REXO4: variants seen among roughly 807,000 people sequenced by gnomAD.
REXO4 encodes REX4 homolog, 3'-5' exonuclease.
REXO4 carries 29 observed loss-of-function variants against 39.9 expected under a neutral mutation model. The ratio of observed to expected loss-of-function variants is 0.73; its 90% CI spans 0.54 to 0.99. REXO4 has a LOEUF of 0.99. REXO4 is among the 50% of genes least tolerant of loss of function. The probability of loss-of-function intolerance (pLI) is 0.00; values close to 1 mark genes in which losing one functional copy is unlikely to be tolerated. For synonymous variants in REXO4, 184 were observed against 206.2 expected, an observed-to-expected ratio of 0.89 and a Z score of 0.92; for missense variants, 524 against 546.5, an observed-to-expected ratio of 0.96 and a Z score of 0.41.
At position 133,417,692 on chromosome 9, in the gene REXO4, G is replaced by T; in HGVS notation, c.153C>A (p.Ser51Arg). 2 of 1,614,118 alleles carry T rather than the reference G, an allele frequency of 1.2e-6. No homozygotes were observed. Among genetic ancestry groups the T allele is most frequent in the Non-Finnish European group, 1.7e-6 (2 of 1,179,992 alleles). The part of the protein sequence containing the change: ...KAREVSKKPA[S>R]GPGAVVRPPK... ...GAGGTCGCACCACAGCACCGGGGCC[G>T]CTTGCTGGCTTCTTGCTTACTTCCC... The change falls in exon 1 of 8, where the codon AGC becomes AGA. Residue 51 changes from serine to arginine, a missense_variant. Coordinates refer to ENST00000371942, the MANE Select transcript of REXO4 (RefSeq NM_020385.4).
chr9:133,417,754 T>G lies in REXO4; in HGVS notation c.91A>C (p.Asn31His). The G allele has an allele frequency of 6.2e-7, 1 of 1,613,424 alleles. No individual in the cohort carries two copies. The highest frequency in any genetic ancestry group is 8.5e-7 in the Non-Finnish European group (1 of 1,179,946). ...TTCCAAAACCTTTTTTTCTTCTTGT[T>G]TTTCTTCCGAGTGAGCGTCTTGACA... Reference protein sequence around the residue: ...GPVKTLTRKKNKKKKRFWKSK... With the variant: ...GPVKTLTRKKHKKKKRFWKSK... The change falls in exon 1 of 8, where the codon AAC (asparagine) becomes CAC (histidine). Residue 31 changes from asparagine to histidine, a missense_variant. Transcript: ENST00000371942.
At position 133,406,768 on chromosome 9, in the gene REXO4, A is replaced by T. The variant is rs1838897984; in HGVS notation, c.*185T>A. ...CGGGCCCAAACACACATGGACAGTA[A>T]GACCAGGTTTCAGACCACAAAGTCA... On this transcript the variant is annotated 3_prime_UTR_variant, in exon 8 of 8. Coordinates refer to ENST00000371942, the MANE Select transcript of REXO4 (RefSeq NM_020385.4). The T allele has an allele frequency of 4.6e-6, 4 of 860,500 alleles. No individual in the cohort carries two copies. Among genetic ancestry groups the T allele is most frequent in the Non-Finnish European group, 3.5e-6 (2 of 566,380 alleles). The allele number at this position is 860,500 out of a possible 1,614,324, so 53.3% of individuals were successfully genotyped here.
At chr9:133,415,051 G>C (rs1554781273) in intron 1 of REXO4, 40 bp from the exon 2 acceptor site, 1 of 1,526,658 alleles carries the variant, frequency 6.6e-7, no homozygotes, top group Non-Finnish European at 8.8e-7. Flanking sequence ...TTTGAATTTG[G>C]AAATTACACA....
intron 4 of REXO4, among the ~76,000 whole-genome samples, chr9:133,411,790 G>A (rs1839225870): frequency 1.3e-5 from 2 of 151,942 alleles, no homozygotes; most frequent in Non-Finnish European, 2.9e-5. Context: ...GTCGGGTGTG[G>A]TGGCATATGC....
rs1554781244 is a variant in REXO4 at position 133,414,940 on chromosome 9, C to T, written c.297G>A (p.Lys99=). 6.2e-7 allele frequency: 1 copy of T among 1,613,454 alleles called. No homozygotes were observed. The highest frequency in any genetic ancestry group is 1.3e-5 in the African/African-American group (1 of 74,772). ...TTTTGTTTTGCTGGATAATTTTGGG[C>T]TTCTTTTTGGAACCCATCTGAGAGA... is the stretch of plus-strand genomic sequence containing the variant. The part of the protein sequence containing the change: ...LVISQMGSKK[K]PKIIQQNKKE... Residue 99 remains lysine (K), a synonymous_variant, in exon 2 of 8, where the codon AAG becomes AAA. Transcript: ENST00000371942.
In REXO4 at chr9:133,407,082, A is replaced by G. The variant is rs1838921524; in HGVS notation, c.1150-10T>C. 1.2e-6 allele frequency: 2 copies of G among 1,612,440 alleles called. No individual in the cohort carries two copies. Among genetic ancestry groups the G allele is most frequent in the Admixed American group, 1.7e-5 (1 of 60,026 alleles). On this transcript the variant is annotated splice_polypyrimidine_tract_variant and intron_variant, in intron 7 of 7. Coordinates refer to ENST00000371942, the MANE Select transcript of REXO4 (RefSeq NM_020385.4). ...CCTGGGCATCCTGAATCTAGACGAC[A>G]TGAAACATCCCAGCAGGTGACGAGG...
intron 1 of REXO4, among the ~76,000 whole-genome samples, chr9:133,416,059 A>G (rs1554781502): frequency 6.6e-6 from 1 of 152,160 alleles, no homozygotes; most frequent in Admixed American, 6.5e-5. Flanking sequence ...ATAAAGAAAA[A>G]ACGTTTATGT....
upstream of REXO4, chr9:133,418,019 A>C (rs1839785392): frequency 1.6e-6 from 1 of 620,058 alleles, no homozygotes; most frequent in Non-Finnish European, 2.8e-6. Context: ...ATACCTCAGC[A>C]CGCACGCTCC....
rs782589633 is a variant in REXO4, at chr9:133,412,354, G to A, written c.855C>T (p.Pro285=). Residue 285 remains proline, a synonymous_variant, in exon 4 of 8, where the codon CCC becomes CCT. Coordinates refer to ENST00000371942, the MANE Select transcript of REXO4 (RefSeq NM_020385.4). ...VYDKYVKPTE[P]VTDYRTAVSG... ...TGACCGCTGTCCTATAGTCCGTCAC[G>A]GGCTCGGTTGGTTTGACGTACTTGT... 9.9e-6 allele frequency: 16 copies of A among 1,613,944 alleles called. No individual in the cohort carries two copies. Among genetic ancestry groups the A allele is most frequent in the East Asian group, 2.2e-5 (1 of 44,882 alleles).
chr9:133,406,642 G>A lies in REXO4; in HGVS notation c.*311C>T. Reference sequence around the variant, plus strand: ...GGCAGTGACAGCACCGTATGGACTGGCGGCCCACAGGCCCCAACCTCACCT... The same window carrying A: ...GGCAGTGACAGCACCGTATGGACTGACGGCCCACAGGCCCCAACCTCACCT... On this transcript the variant is annotated 3_prime_UTR_variant, in exon 8 of 8. Transcript: ENST00000371942. 2.5e-6 allele frequency: 1 copy of A among 403,820 alleles called. No homozygotes were observed. Among genetic ancestry groups the A allele is most frequent in the Non-Finnish European group, 4.7e-6 (1 of 213,828 alleles). 25.0% of individuals were successfully genotyped at this position (403,820 alleles called of 1,614,324 possible).
In REXO4 at chr9:133,412,561, G is replaced by A. The variant is rs919725805; in HGVS notation, c.717-69C>T. ...CACAGGGCTCCAGGTCAGAGCCCCA[G>A]GGATCCATGGACTAAGTGTCAGCAG... On this transcript the variant is annotated intron_variant, in intron 3 of 7. Transcript: ENST00000371942. 1.1e-5 allele frequency: 17 copies of A among 1,537,446 alleles called. No individual in the cohort carries two copies. The East Asian group carries it at 2.3e-4, about 20-fold the overall frequency.
intron 7 of REXO4, 41 bp downstream of exon 7, chr9:133,407,765 AC>A (rs1838985994): frequency 1.3e-6 from 2 of 1,564,188 alleles, no homozygotes; most frequent in Non-Finnish European, 1.8e-6. Context: ...CAGGTGGGAA[AC>A]CGCCCCAAAC....
chr9:133,415,022 A>C lies in REXO4; in HGVS notation c.226-11T>G. On this transcript the variant is annotated splice_polypyrimidine_tract_variant and intron_variant, in intron 1 of 7. Coordinates refer to ENST00000371942, the MANE Select transcript of REXO4 (RefSeq NM_020385.4). ...TTGTTTCAGCAGCCACTGGGACCCA[A>C]AATAAAATACATGCTGCATTTGAAT... is the stretch of plus-strand genomic sequence containing the variant. The C allele has an allele frequency of 1.9e-6, 3 of 1,570,656 alleles. No individual in the cohort carries two copies. The highest frequency in any genetic ancestry group is 2.6e-6 in the Non-Finnish European group (3 of 1,165,606).
In REXO4 at chr9:133,417,485, T is replaced by C. The variant is rs2130750697; in HGVS notation, c.225+135A>G. The C allele has an allele frequency of 7.8e-6, 7 of 893,152 alleles. 1 individual carries two copies. The highest frequency in any genetic ancestry group is 3.2e-5 in the South Asian group (2 of 63,488). The allele number at this position is 893,152 out of a possible 1,614,324, so 55.3% of individuals were successfully genotyped here. On this transcript the variant is annotated intron_variant, in intron 1 of 7. Coordinates refer to ENST00000371942, the MANE Select transcript of REXO4 (RefSeq NM_020385.4). ...ACCTCCCTCAACAGGCCACCTTTCT[T>C]GTGAAAAGCTGTTTACAAGATTTCG... is the stretch of plus-strand genomic sequence containing the variant.
chr9:133,414,266 T>A (rs1839415761), intron 2 of REXO4: 1 of 389,824 alleles, frequency 2.6e-6, no homozygotes, highest in Non-Finnish European at 5.1e-6. Context: ...CACCAGGCAC[T>A]GAGCCAAGAG....
chr9:133,416,324 C>T (rs1839598771), intron 1 of REXO4, among the ~76,000 whole-genome samples: 1 of 152,170 alleles, frequency 6.6e-6, no homozygotes, highest in Non-Finnish European at 1.5e-5. Context: ...GACCCAATAC[C>T]TCCTATGGGC....
At position 133,415,091 on chromosome 9, in the gene REXO4, G is replaced by C. The variant is rs587627062; in HGVS notation, c.226-80C>G. 37 of 1,054,590 alleles carry C rather than the reference G, an allele frequency of 3.5e-5. No individual in the cohort carries two copies. In the African/African-American group the frequency reaches 5.4e-4, roughly 15 times the overall value. The allele number at this position is 1,054,590 out of a possible 1,614,324, so 65.3% of individuals were successfully genotyped here. ...AGATTGAAAAAACTTACGTGTGTAT[G>C]TATATACACACATATACACCAAACA... On this transcript the variant is annotated intron_variant, in intron 1 of 7. Transcript: ENST00000371942.
In REXO4 at chr9:133,417,935, C is replaced by G; in HGVS notation, c.-91G>C. 2 of 1,286,068 alleles carry G rather than the reference C, an allele frequency of 1.6e-6. No individual in the cohort carries two copies. Among genetic ancestry groups the G allele is most frequent in the Non-Finnish European group, 2.1e-6 (2 of 948,834 alleles). The allele number at this position is 1,286,068 out of a possible 1,614,324, so 79.7% of individuals were successfully genotyped here. On this transcript the variant is annotated 5_prime_UTR_variant, in exon 1 of 8. Coordinates refer to ENST00000371942, the MANE Select transcript of REXO4 (RefSeq NM_020385.4). ...CTGGCAGCACAAGCGCCTGCCCAGG[C>G]CAGGCCGAAACACACCCACCGCAGG... is the stretch of plus-strand genomic sequence containing the variant.
Position 133,412,340 on chromosome 9 carries a change from C to G in REXO4, c.869G>C (p.Arg290Thr). 1 of 1,614,102 alleles carries G rather than the reference C, an allele frequency of 6.2e-7. No homozygotes were observed. Among genetic ancestry groups the G allele is most frequent in the Non-Finnish European group, 8.5e-7 (1 of 1,180,036 alleles). The change falls in exon 4 of 8, where the codon AGG (arginine) becomes ACG (threonine). Residue 290 changes from arginine to threonine, a missense_variant. Arg to Thr is a moderately conservative substitution (Grantham distance 71). Transcript: ENST00000371942. ...AGGCCGAATCCCACTGACCGCTGTC[C>G]TATAGTCCGTCACGGGCTCGGTTGG... is the stretch of plus-strand genomic sequence containing the variant. ...VKPTEPVTDY[R>T]TAVSGIRPEN... is the part of the protein sequence containing the mutation.
Sources: allele counts gnomAD v4.1 joint callset (sites outside exome capture counted in the v4.1 genomes callset), GRCh38; gene constraint gnomAD v4.1.1; transcripts MANE v1.5; gene names NCBI Gene and HGNC (gene_info 2026-07-23, HGNC 2026-07-21).